DNM3: variants seen among roughly 807,000 people sequenced by gnomAD.
DNM3 encodes the protein dynamin 3, also known as dynamin-3.
A neutral mutation model predicts 101.6 loss-of-function variants in DNM3; 47 were observed. The observed-to-expected ratio is 0.46, with a 90% confidence interval of 0.37 to 0.59. DNM3 has a LOEUF of 0.59. Ranked by LOEUF, DNM3 falls within the 20% of genes least tolerant of loss-of-function variation. DNM3 has a pLI of 0.00. For synonymous variants in DNM3, 385 were observed against 387.9 expected, an observed-to-expected ratio of 0.99 and a Z score of 0.09; for missense variants, 849 against 1,085.7, an observed-to-expected ratio of 0.78 and a Z score of 3.06.
chr1:172,409,059 A>T lies in DNM3; in HGVS notation c.*1218A>T, dbSNP rs2071071349. On this transcript the variant is annotated 3_prime_UTR_variant, in exon 21 of 21. Coordinates refer to ENST00000627582, the MANE Select transcript of DNM3 (RefSeq NM_015569.5). ...CAATTTCTTAAGATTTCTAAAATTT[A>T]CCAGAACAGTTTAGCCTGGGGGTTA... 5 of 985,258 alleles carry T rather than the reference A, an allele frequency of 5.1e-6. No individual in the cohort carries two copies. The highest frequency in any genetic ancestry group is 6.0e-6 in the Non-Finnish European group (5 of 829,880). 61.0% of individuals were successfully genotyped at this position (985,258 alleles called of 1,614,324 possible). A position where few individuals can be genotyped will look rare whatever the true frequency, so the allele number is the denominator to read the frequency against.
intron 13 of DNM3, among the ~76,000 whole-genome samples, chr1:172,114,934 A>G (rs192471632): frequency 2.2e-3 from 342 of 152,328 alleles, no homozygotes; most frequent in Non-Finnish European, 3.5e-3. Context: ...TCTAGTAACT[A>G]TGATAAAGAT....
At chr1:172,073,349 A>G (rs943858467) in intron 11 of DNM3, among the ~76,000 whole-genome samples, 37 of 152,200 alleles carry the variant, frequency 2.4e-4, no homozygotes, top group African/African-American at 8.7e-4. Context: ...ATATTTGAAC[A>G]TATATGCATA....
chr1:171,873,659 A>G (rs2035497575), intron 1 of DNM3, among the ~76,000 whole-genome samples: 1 of 152,184 alleles, frequency 6.6e-6, no homozygotes, highest in Non-Finnish European at 1.5e-5. Context: ...TCAAGAGTTG[A>G]TGTTTCAAAT....
At chr1:172,110,487 G>GT (rs1160683429) in intron 13 of DNM3, among the ~76,000 whole-genome samples, 1 of 152,076 alleles carries the variant, frequency 6.6e-6, no homozygotes, top group African/African-American at 2.4e-5. Context: ...TATCCAACAA[G>GT]TAACTGTTGA....
chr1:172,286,549 A>C (rs1325732729), intron 15 of DNM3, among the ~76,000 whole-genome samples: 1 of 152,240 alleles, frequency 6.6e-6, no homozygotes, highest in Non-Finnish European at 1.5e-5. Context: ...TAATGAAGCT[A>C]ATACGTTGTA....
At chr1:171,946,248 G>A (rs1373791616) in intron 2 of DNM3, among the ~76,000 whole-genome samples, 2 of 152,128 alleles carry the variant, frequency 1.3e-5, no homozygotes, top group Non-Finnish European at 2.9e-5. Context: ...ACAAAAGACA[G>A]ATTAGCAAGA....
chr1:172,076,932 A>G (rs935596956), intron 11 of DNM3, among the ~76,000 whole-genome samples: 3 of 152,182 alleles, frequency 2.0e-5, no homozygotes, highest in Non-Finnish European at 4.4e-5. Context: ...TCAGCTGTGA[A>G]TCCATCTGGT....
intron 1 of DNM3, among the ~76,000 whole-genome samples, chr1:171,905,980 C>T (rs2038794948): frequency 6.6e-6 from 1 of 152,130 alleles, no homozygotes; most frequent in Non-Finnish European, 1.5e-5. Flanking sequence ...ATGTACCAGA[C>T]TCATTTCCCA....
At chr1:172,171,095 T>C (rs2058941403) in intron 14 of DNM3, among the ~76,000 whole-genome samples, 1 of 151,700 alleles carries the variant, frequency 6.6e-6, no homozygotes, top group Non-Finnish European at 1.5e-5. Context: ...AGAGATTGAT[T>C]AGTTTTGTGC....
At chr1:171,983,736 A>G (rs1293089060) in intron 2 of DNM3, among the ~76,000 whole-genome samples, 2 of 152,180 alleles carry the variant, frequency 1.3e-5, no homozygotes, top group African/African-American at 4.8e-5. Flanking sequence ...ATTTTTGTAC[A>G]AATTAGAAAA....
intron 1 of DNM3, among the ~76,000 whole-genome samples, chr1:171,909,701 C>G (rs1322723949): frequency 6.6e-6 from 1 of 152,128 alleles, no homozygotes; most frequent in Non-Finnish European, 1.5e-5. Flanking sequence ...TTTGTGCTGT[C>G]AAAGACCTCT....
At chr1:171,924,662 C>A (rs1237148353) in intron 2 of DNM3, among the ~76,000 whole-genome samples, 1 of 152,140 alleles carries the variant, frequency 6.6e-6, no homozygotes, top group Admixed American at 6.5e-5. Context: ...CTGGTCTCTC[C>A]CTTGACATGT....
rs781729583 is a variant in DNM3 at position 171,929,848 on chromosome 1, C to T, written c.235+8027C>T. 5.8e-4 allele frequency among the ~76,000 whole-genome samples: 88 copies of T among 152,198 alleles called. 1 individual carries two copies. The highest frequency in any genetic ancestry group is 1.0e-3 in the Non-Finnish European group (68 of 68,018). Reference sequence around the variant, plus strand: ...TAAAAGAGTGGTCTGGCCACATTTTCGTAGAGCAGCTGTGATGTGCTGAAG... The same window carrying T: ...TAAAAGAGTGGTCTGGCCACATTTTTGTAGAGCAGCTGTGATGTGCTGAAG... On this transcript the variant is annotated intron_variant, in intron 2 of 20. Coordinates refer to ENST00000627582, the MANE Select transcript of DNM3 (RefSeq NM_015569.5).
At chr1:171,897,202 A>G (rs1198889027) in intron 1 of DNM3, among the ~76,000 whole-genome samples, 1 of 152,126 alleles carries the variant, frequency 6.6e-6, no homozygotes, top group Non-Finnish European at 1.5e-5. Context: ...GCTGAATTTC[A>G]CGAATCAGTT....
chr1:172,312,198 T>C (rs1289604213), intron 16 of DNM3, among the ~76,000 whole-genome samples: 1 of 152,222 alleles, frequency 6.6e-6, no homozygotes, highest in Admixed American at 6.5e-5. Flanking sequence ...TGTAAATTTT[T>C]AGAATGTCTA....
At chr1:172,019,393 A>G (rs1449160113) in intron 4 of DNM3, among the ~76,000 whole-genome samples, 2 of 147,272 alleles carry the variant, frequency 1.4e-5, no homozygotes, top group South Asian at 4.2e-4. Flanking sequence ...GCAATCCTTT[A>G]CTTCTTTCAA....
At chr1:171,937,487 T>C (rs1384664518) in intron 2 of DNM3, among the ~76,000 whole-genome samples, 1 of 152,212 alleles carries the variant, frequency 6.6e-6, no homozygotes, top group Non-Finnish European at 1.5e-5. Flanking sequence ...TGGGTGGGCT[T>C]CTTATAGATG....
At chr1:172,380,169 GTCTGTTTCCTCCA>G (rs2068820433) in intron 18 of DNM3, among the ~76,000 whole-genome samples, 1 of 152,004 alleles carries the variant, frequency 6.6e-6, no homozygotes, top group African/African-American at 2.4e-5. Flanking sequence ...TCTTTCATGT[GTCTGTTTCCTCCA>G]TATGTAAAAT....
intron 1 of DNM3, among the ~76,000 whole-genome samples, chr1:171,862,079 C>T (rs915973398): frequency 6.6e-6 from 1 of 152,100 alleles, no homozygotes; most frequent in Non-Finnish European, 1.5e-5. Context: ...GGGATACTAA[C>T]AACTGCTGGT....
Sources: gnomAD v4.1 joint callset for allele counts (sites outside exome capture counted in the v4.1 genomes callset) on GRCh38, gnomAD v4.1.1 for gene constraint, MANE v1.5 for transcripts, NCBI Gene and HGNC (gene_info 2026-07-23, HGNC 2026-07-21) for gene names.